The following DIAPH2 variants were observed in gnomAD, a reference collection of about 807,000 sequenced individuals.
The protein encoded by DIAPH2 is diaphanous related formin 2, also known as protein diaphanous homolog 2.
A neutral mutation model predicts 92.7 loss-of-function variants in DIAPH2; 35 were observed. The observed-to-expected ratio is 0.38, with a 90% CI of 0.29 to 0.50. The LOEUF (loss-of-function observed/expected upper bound fraction) is 0.50. Ranked by LOEUF, DIAPH2 falls within the 20% of genes least tolerant of loss-of-function variation. The pLI is 0.94. For missense variants in DIAPH2, 701 were observed against 819.5 expected, an observed-to-expected ratio of 0.86 and a Z score of 1.77; for synonymous variants, 301 against 280.4, an observed-to-expected ratio of 1.07 and a Z score of -0.73.
chrX:96,903,000 A>G (rs1239045838), intron 5 of DIAPH2, among the ~76,000 whole-genome samples: 5 of 111,413 alleles, frequency 4.5e-5, no homozygotes, highest in Admixed American at 9.5e-5. Flanking sequence ...CTACGTAGCT[A>G]TCACACTCTG....
chrX:97,395,978 T>C (rs1013625301), intron 25 of DIAPH2, among the ~76,000 whole-genome samples: 9 of 112,350 alleles, frequency 8.0e-5, no homozygotes, highest in Non-Finnish European at 1.5e-4. Context: ...TTGCTATATA[T>C]GATTTATGCA....
intron 26 of DIAPH2, among the ~76,000 whole-genome samples, chrX:97,570,666 G>T (rs2071364528): frequency 9.0e-6 from 1 of 110,833 alleles, no homozygotes; most frequent in Admixed American, 9.7e-5. Flanking sequence ...GAGGAGTAGA[G>T]TTGTTTCTCA....
At chrX:97,539,234 G>T (rs1354475241) in intron 26 of DIAPH2, among the ~76,000 whole-genome samples, 1 of 110,280 alleles carries the variant, frequency 9.1e-6, no homozygotes, top group South Asian at 4.0e-4. Flanking sequence ...CTATAAAAAT[G>T]GCAGTGAGGC....
At chrX:97,421,189 ATTACTC>A (rs2147769799) in intron 25 of DIAPH2, among the ~76,000 whole-genome samples, 2 of 111,945 alleles carry the variant, frequency 1.8e-5, no homozygotes, top group South Asian at 7.5e-4. Flanking sequence ...TGGTTTTACT[ATTACTC>A]TTACTGATAG....
intron 17 of DIAPH2, among the ~76,000 whole-genome samples, chrX:97,033,795 G>A (rs1430046442): frequency 9.0e-6 from 1 of 111,246 alleles, no homozygotes; most frequent in Non-Finnish European, 1.9e-5. Flanking sequence ...ATGTCTTGAT[G>A]ATGATAAAGT....
chrX:97,019,628 A>G (rs954041305), intron 17 of DIAPH2, among the ~76,000 whole-genome samples: 4 of 110,935 alleles, frequency 3.6e-5, no homozygotes, highest in African/African-American at 1.3e-4. Flanking sequence ...ATTCTAATAT[A>G]TATACGGAAT....
At chrX:97,319,329 T>C (rs1211276900) in intron 23 of DIAPH2, among the ~76,000 whole-genome samples, 1 of 112,271 alleles carries the variant, frequency 8.9e-6, no homozygotes, top group Non-Finnish European at 1.9e-5. Context: ...CCTACTCTAA[T>C]TGTAGGGCTT....
At position 97,449,935 on chromosome X, in the gene DIAPH2, T is replaced by C. The variant is rs1602597577; in HGVS notation, c.3241+20190T>C. On this transcript the variant is annotated intron_variant, in intron 26 of 26. Coordinates refer to ENST00000324765, the MANE Select transcript of DIAPH2 (RefSeq NM_006729.5). The stretch of plus-strand genomic sequence containing the variant: ...TTATCATTTACTGTCCTCTGCATTA[T>C]ATAGCATGGTTAAGCCTAAGAAGCA... Among the ~76,000 whole-genome samples, 3 of 111,007 alleles carry C rather than the reference T, an allele frequency of 2.7e-5. No homozygotes were observed. In the Admixed American group the frequency reaches 2.9e-4, roughly 11 times the overall value.
intron 22 of DIAPH2, among the ~76,000 whole-genome samples, chrX:97,192,177 G>A (rs1220877451): frequency 9.4e-6 from 1 of 106,843 alleles, no homozygotes; most frequent in Non-Finnish European, 1.9e-5. Flanking sequence ...GTAGGTGCTC[G>A]CAGCTACTTG....
intron 19 of DIAPH2, among the ~76,000 whole-genome samples, chrX:97,076,990 C>G (rs1344741467): frequency 9.0e-6 from 1 of 111,462 alleles, no homozygotes; most frequent in Non-Finnish European, 1.9e-5. Flanking sequence ...CAATCCTTAC[C>G]CTGTTTGATC....
At chrX:97,100,832 G>A (rs979189207) in intron 20 of DIAPH2, among the ~76,000 whole-genome samples, 4 of 111,775 alleles carry the variant, frequency 3.6e-5, no homozygotes, top group Admixed American at 9.5e-5. Context: ...AGATGGGACT[G>A]AGCATGTTCC....
chrX:97,593,745 T>A (rs2071532590), intron 26 of DIAPH2, among the ~76,000 whole-genome samples: 1 of 111,322 alleles, frequency 9.0e-6, no homozygotes, highest in Non-Finnish European at 1.9e-5. Flanking sequence ...TTGTTTAGTA[T>A]CCCTAACATG....
At chrX:97,251,099 TG>T (rs1374295186) in intron 23 of DIAPH2, among the ~76,000 whole-genome samples, 1 of 111,759 alleles carries the variant, frequency 8.9e-6, no homozygotes, top group Non-Finnish European at 1.9e-5. Flanking sequence ...AAAAATTAGA[TG>T]GTATAGGAGA....
intron 3 of DIAPH2, among the ~76,000 whole-genome samples, chrX:96,752,706 A>G (rs2064201273): frequency 8.9e-6 from 1 of 111,759 alleles, no homozygotes; most frequent in Non-Finnish European, 1.9e-5. Flanking sequence ...AGGCAGGGAG[A>G]ACAGCGCATC....
intron 26 of DIAPH2, among the ~76,000 whole-genome samples, chrX:97,443,957 T>C (rs1053230658): frequency 1.7e-4 from 19 of 112,263 alleles, no homozygotes; most frequent in Admixed American, 9.5e-5. Flanking sequence ...TTGCAAATAC[T>C]GTGATGCTCT....
intron 4 of DIAPH2, among the ~76,000 whole-genome samples, chrX:96,778,411 T>G (rs1246965593): frequency 9.0e-6 from 1 of 110,639 alleles, no homozygotes. Context: ...TCTTTTAAAA[T>G]TTTTTTTCTT....
intron 23 of DIAPH2, among the ~76,000 whole-genome samples, chrX:97,318,482 CTTTTTTTTTTTTT>C (rs745350367): frequency 1.7e-4 from 8 of 46,326 alleles, no homozygotes; most frequent in Non-Finnish European, 3.2e-4. Context: ...TTTTTCTTTA[CTTTTTTTTTTTTT>C]TTTTTTTTTT....
chrX:96,864,578 C>T (rs2065092885), intron 4 of DIAPH2, among the ~76,000 whole-genome samples: 1 of 111,784 alleles, frequency 8.9e-6, no homozygotes. Flanking sequence ...GGTGTGTTTT[C>T]TTACAATTGG....
chrX:97,095,479 A>T (rs1049405402), intron 19 of DIAPH2, among the ~76,000 whole-genome samples: 1 of 107,486 alleles, frequency 9.3e-6, no homozygotes, highest in Non-Finnish European at 1.9e-5. Context: ...TTAAAGTAAG[A>T]CATTACATAT....
Sources: gnomAD v4.1 joint callset for allele counts (sites outside exome capture counted in the v4.1 genomes callset) on GRCh38, gnomAD v4.1.1 for gene constraint, MANE v1.5 for transcripts, NCBI Gene and HGNC (gene_info 2026-07-23, HGNC 2026-07-21) for gene names.